TRAK1: variants seen among roughly 807,000 people sequenced by gnomAD.
TRAK1 encodes trafficking kinesin protein 1.
TRAK1 carries 33 observed loss-of-function variants against 92.1 expected under a neutral mutation model. That is an observed-to-expected ratio of 0.36 (90% CI 0.27 to 0.48). TRAK1 has a LOEUF of 0.48. Among genes scored for constraint, TRAK1 ranks in the 20% least tolerant of loss-of-function variants. The pLI, the probability that TRAK1 is intolerant of heterozygous loss-of-function variation, is 0.99. For missense variants in TRAK1, 1,123 were observed against 1,257.9 expected, an observed-to-expected ratio of 0.89 and a Z score of 1.62; for synonymous variants, 521 against 517.3, an observed-to-expected ratio of 1.01 and a Z score of -0.10.
At chr3:42,170,158 G>T (rs1702369765) in intron 2 of TRAK1, among the ~76,000 whole-genome samples, 1 of 152,180 alleles carries the variant, frequency 6.6e-6, no homozygotes, top group African/African-American at 2.4e-5. Context: ...GCTGCTGCTT[G>T]TAGGAGGTAG....
At chr3:42,194,682 G>A in intron 9 of TRAK1, 122 bp from the exon 10 acceptor site, 1 of 1,214,672 alleles carries the variant, frequency 8.2e-7, no homozygotes, top group Non-Finnish European at 1.1e-6. Flanking sequence ...GCACAGGGCA[G>A]CTGGTTCCAC....
exon 1 of TRAK1, chr3:42,014,028 G>GCCGGGC (rs572967787): frequency 0.13 from 20,143 of 150,854 alleles, 1,749 homozygotes; most frequent in Admixed American, 0.22. Flanking sequence ...GGCGGCCGGG[G>GCCGGGC]CCGGGCCGAG....
chr3:42,029,427 A>T (rs546857300), intron 1 of TRAK1, among the ~76,000 whole-genome samples: 1 of 144,962 alleles, frequency 6.9e-6, no homozygotes, highest in East Asian at 2.1e-4. Context: ...TTTTTGGTAG[A>T]GATGGGGTCT....
At chr3:42,048,863 C>G (rs1403360414) in intron 1 of TRAK1, among the ~76,000 whole-genome samples, 1 of 151,848 alleles carries the variant, frequency 6.6e-6, no homozygotes, top group Non-Finnish European at 1.5e-5. Flanking sequence ...CTGTGCCTGG[C>G]CTGCCTCTGT....
chr3:42,163,462 G>A lies in TRAK1; in HGVS notation c.287-13352G>A, dbSNP rs146875594. On this transcript the variant is annotated intron_variant, in intron 2 of 15. Transcript: ENST00000327628. ...CGGGCGCCTGTAGTCCCAGCTACTC[G>A]GGAGGCTGAGGCAGGGAATTGCTTG... 7.0e-3 allele frequency among the ~76,000 whole-genome samples: 1,061 copies of A among 152,138 alleles called. 11 individuals are homozygous for A. The highest frequency in any genetic ancestry group is 0.024 in the African/African-American group (1,000 of 41,502).
chr3:42,154,276 G>A (rs540606696), intron 2 of TRAK1, among the ~76,000 whole-genome samples: 3 of 152,014 alleles, frequency 2.0e-5, no homozygotes, highest in Non-Finnish European at 2.9e-5. Context: ...AAGTTCAAGC[G>A]ATTCTCCTGC....
chr3:42,053,391 G>A (rs1037380417), intron 1 of TRAK1, among the ~76,000 whole-genome samples: 2 of 150,478 alleles, frequency 1.3e-5, no homozygotes, highest in African/African-American at 4.9e-5. Context: ...GGGGGGGCGG[G>A]GGATGGCAAA....
At chr3:42,144,729 T>C (rs1452153237) in intron 2 of TRAK1, among the ~76,000 whole-genome samples, 3 of 152,200 alleles carry the variant, frequency 2.0e-5, no homozygotes, top group Non-Finnish European at 4.4e-5. Flanking sequence ...TTTGAGAATA[T>C]ATTGTTCCAT....
chr3:42,224,216 C>G lies in TRAK1; in HGVS notation c.*479C>G. The G allele has an allele frequency of 2.6e-6, 1 of 382,786 alleles. No individual in the cohort carries two copies. The highest frequency in any genetic ancestry group is 1.9e-5 in the South Asian group (1 of 51,638). 23.7% of individuals were successfully genotyped at this position (382,786 alleles called of 1,614,324 possible). A position where few individuals can be genotyped will look rare whatever the true frequency, so the allele number is the denominator to read the frequency against. ...CCCACCCTGTAGGAGCGTAAGGAGC[C>G]TCCATCCTCAGCCACGTGCAGCTGA... is the stretch of plus-strand genomic sequence containing the variant. On this transcript the variant is annotated 3_prime_UTR_variant, in exon 16 of 16. Coordinates refer to ENST00000327628, the MANE Select transcript of TRAK1 (RefSeq NM_001042646.3).
At chr3:42,215,498 TG>T (rs1463779750) in intron 14 of TRAK1, among the ~76,000 whole-genome samples, 10 of 75,510 alleles carry the variant, frequency 1.3e-4, no homozygotes, top group African/African-American at 5.3e-4. Flanking sequence ...GTGCCACTGT[TG>T]GGGTGTGTGT....
At chr3:42,102,229 G>A (rs556927425) in intron 1 of TRAK1, among the ~76,000 whole-genome samples, 1 of 152,178 alleles carries the variant, frequency 6.6e-6, no homozygotes, top group African/African-American at 2.4e-5. Flanking sequence ...CCAGTGATCC[G>A]CCTGCCTTGG....
At chr3:42,097,249 A>G (rs1446700583) in intron 1 of TRAK1, among the ~76,000 whole-genome samples, 3 of 152,250 alleles carry the variant, frequency 2.0e-5, no homozygotes, top group Admixed American at 1.3e-4. Flanking sequence ...GATTGTTTCC[A>G]GTATTCTGCA....
chr3:42,157,266 C>G (rs1700642516), intron 2 of TRAK1, among the ~76,000 whole-genome samples: 1 of 151,332 alleles, frequency 6.6e-6, no homozygotes, highest in Non-Finnish European at 1.5e-5. Flanking sequence ...TGAGACCAGC[C>G]TGGACAACAT....
chr3:42,177,419 G>A (rs979823287), intron 3 of TRAK1, among the ~76,000 whole-genome samples: 4 of 152,212 alleles, frequency 2.6e-5, no homozygotes, highest in African/African-American at 2.4e-5. Flanking sequence ...TGAGAATTAA[G>A]TATTATGAAG....
chr3:42,017,079 G>A (rs1701553986), intron 1 of TRAK1, among the ~76,000 whole-genome samples: 1 of 152,254 alleles, frequency 6.6e-6, no homozygotes, highest in Non-Finnish European at 1.5e-5. Flanking sequence ...GGGCAACATG[G>A]TGAAACCCCG....
chr3:42,027,564 C>G (rs1298861725), intron 1 of TRAK1, among the ~76,000 whole-genome samples: 1 of 150,956 alleles, frequency 6.6e-6, no homozygotes, highest in Non-Finnish European at 1.5e-5. Flanking sequence ...AGGCGTTTTT[C>G]TTCAAAATAA....
At chr3:42,086,022 G>A (rs189337444), upstream of TRAK1, among the ~76,000 whole-genome samples, 1 of 152,320 alleles carries the variant, frequency 6.6e-6, no homozygotes, top group Non-Finnish European at 1.5e-5. Context: ...CACACTTTGA[G>A]ATCTCTTGTG....
chr3:42,141,155 A>T lies in TRAK1; in HGVS notation c.286+15541A>T, dbSNP rs55792804. On this transcript the variant is annotated intron_variant, in intron 2 of 15. Transcript: ENST00000327628. The stretch of plus-strand genomic sequence containing the variant: ...TTCATCTTTTTAATATATTATATAA[A>T]TTGAAATATTCATATACTCACCCAA... 7.1e-3 allele frequency among the ~76,000 whole-genome samples: 1,086 copies of T among 152,322 alleles called. 14 individuals carry two copies. The highest frequency in any genetic ancestry group is 0.025 in the African/African-American group (1,026 of 41,564).
intron 3 of TRAK1, among the ~76,000 whole-genome samples, chr3:42,182,089 C>G (rs943050938): frequency 1.3e-5 from 2 of 151,688 alleles, no homozygotes; most frequent in African/African-American, 2.4e-5. Context: ...AGGCATGAGC[C>G]ACTGCACCCG....
Sources: allele counts gnomAD v4.1 joint callset (sites outside exome capture counted in the v4.1 genomes callset), GRCh38; gene constraint gnomAD v4.1.1; transcripts MANE v1.5; gene names NCBI Gene and HGNC (gene_info 2026-07-23, HGNC 2026-07-21).